SGCZ: variants seen among roughly 807,000 people sequenced by gnomAD.
SGCZ encodes zeta-sarcoglycan.
Under a neutral mutation model 41.3 loss-of-function variants are expected in SGCZ, and 40 were observed. That is an observed-to-expected ratio of 0.97 (90% CI 0.75 to 1.26). SGCZ has a LOEUF of 1.26. Among genes scored for constraint, SGCZ ranks in the 50% most tolerant of loss-of-function variants. SGCZ has a pLI of 0.00. For synonymous variants in SGCZ, 206 were observed against 137.5 expected (o/e 1.50, Z -3.49); for missense variants, 552 against 369.8 (o/e 1.49, Z -4.04).
intron 5 of SGCZ, among the ~76,000 whole-genome samples, chr8:14,117,786 C>A (rs1390679083): frequency 6.6e-6 from 1 of 151,404 alleles, no homozygotes; most frequent in Non-Finnish European, 1.5e-5. Context: ...TCCCTGTGTC[C>A]ATGTGTTCTC....
At chr8:14,268,551 G>A (rs2117256574) in intron 3 of SGCZ, among the ~76,000 whole-genome samples, 1 of 151,830 alleles carries the variant, frequency 6.6e-6, no homozygotes, top group East Asian at 1.9e-4. Flanking sequence ...CTGGTGGTCT[G>A]CGTATCGAAA....
chr8:14,376,024 C>T (rs1043504864), intron 2 of SGCZ, among the ~76,000 whole-genome samples: 5 of 152,052 alleles, frequency 3.3e-5, no homozygotes, highest in African/African-American at 1.2e-4. Flanking sequence ...CGTAAAACTA[C>T]AATGGAAAGC....
intron 1 of SGCZ, among the ~76,000 whole-genome samples, chr8:15,043,532 C>T (rs963296231): frequency 1.3e-5 from 2 of 151,796 alleles, no homozygotes; most frequent in Admixed American, 6.6e-5. Flanking sequence ...ATAGTGCATG[C>T]TACTTTCCAA....
At chr8:14,398,339 G>A (rs553303262) in intron 2 of SGCZ, among the ~76,000 whole-genome samples, 4 of 152,134 alleles carry the variant, frequency 2.6e-5, no homozygotes, top group African/African-American at 9.6e-5. Context: ...ACACCTTGAA[G>A]GTGTCCTGAT....
intron 2 of SGCZ, among the ~76,000 whole-genome samples, chr8:14,416,592 G>T (rs772232237): frequency 6.6e-6 from 1 of 151,756 alleles, no homozygotes; most frequent in Non-Finnish European, 1.5e-5. Context: ...GTTTTACAAT[G>T]TTACTCAGGG....
chr8:14,321,701 T>G (rs1023173588), intron 3 of SGCZ, among the ~76,000 whole-genome samples: 1 of 152,112 alleles, frequency 6.6e-6, no homozygotes, highest in African/African-American at 2.4e-5. Context: ...CTTCACTGAA[T>G]CTTCCAAAGT....
At chr8:15,159,741 C>T (rs1799451593) in intron 1 of SGCZ, among the ~76,000 whole-genome samples, 1 of 42,902 alleles carries the variant, frequency 2.3e-5, no homozygotes, top group African/African-American at 1.0e-4. Flanking sequence ...GCCCCCCCCA[C>T]CCTCCCCCCC....
intron 1 of SGCZ, among the ~76,000 whole-genome samples, chr8:14,763,681 T>C (rs1321317662): frequency 6.6e-6 from 1 of 151,878 alleles, no homozygotes; most frequent in African/African-American, 2.4e-5. Flanking sequence ...ATAGAGGAGG[T>C]AGGAAGAAAA....
At chr8:14,283,080 A>C (rs1800504779) in intron 3 of SGCZ, among the ~76,000 whole-genome samples, 1 of 151,568 alleles carries the variant, frequency 6.6e-6, no homozygotes, top group Admixed American at 6.6e-5. Context: ...CGATCTCCTG[A>C]CCTCGTGATC....
chr8:14,509,946 C>A (rs1802421040), intron 2 of SGCZ, among the ~76,000 whole-genome samples: 1 of 152,030 alleles, frequency 6.6e-6, no homozygotes, highest in Admixed American at 6.6e-5. Context: ...GATCCAATCA[C>A]CTCCCTCCCT....
chr8:14,189,171 T>C (rs1284628827), intron 4 of SGCZ, among the ~76,000 whole-genome samples: 1 of 152,104 alleles, frequency 6.6e-6, no homozygotes, highest in Non-Finnish European at 1.5e-5. Context: ...TCTTGTGTCT[T>C]CTTTGTCAAA....
chr8:14,138,374 A>G (rs565079758), intron 5 of SGCZ, among the ~76,000 whole-genome samples: 1 of 152,346 alleles, frequency 6.6e-6, no homozygotes, highest in South Asian at 2.1e-4. Context: ...TGCCCCAATT[A>G]ACAGACAAAG....
intron 4 of SGCZ, among the ~76,000 whole-genome samples, chr8:14,213,224 C>T (rs866402918): frequency 6.6e-6 from 1 of 152,018 alleles, no homozygotes; most frequent in Non-Finnish European, 1.5e-5. Context: ...AGAGAATAAA[C>T]TCAAGGAAAT....
intron 2 of SGCZ, among the ~76,000 whole-genome samples, chr8:14,462,325 T>C (rs1800924758): frequency 6.6e-6 from 1 of 152,052 alleles, no homozygotes; most frequent in African/African-American, 2.4e-5. Flanking sequence ...AAAAATTCCA[T>C]GTAATTTGTG....
At chr8:14,428,392 T>C (rs1799849507) in intron 2 of SGCZ, among the ~76,000 whole-genome samples, 1 of 152,102 alleles carries the variant, frequency 6.6e-6, no homozygotes, top group African/African-American at 2.4e-5. Context: ...ACATTAACTT[T>C]ATTATTACAT....
intron 1 of SGCZ, among the ~76,000 whole-genome samples, chr8:14,682,284 G>T (rs1048178787): frequency 2.6e-5 from 4 of 152,174 alleles, no homozygotes; most frequent in African/African-American, 7.2e-5. Flanking sequence ...TTGAATATAA[G>T]ATTATACTTT....
intron 1 of SGCZ, among the ~76,000 whole-genome samples, chr8:15,143,730 T>G (rs1798961822): frequency 1.3e-5 from 2 of 152,234 alleles, no homozygotes; most frequent in African/African-American, 4.8e-5. Context: ...ATTTAGTTAT[T>G]GTAATTGCTT....
chr8:14,766,582 G>C (rs920158966), intron 1 of SGCZ, among the ~76,000 whole-genome samples: 2 of 151,354 alleles, frequency 1.3e-5, no homozygotes, highest in African/African-American at 2.4e-5. Context: ...TTCTTCTTTA[G>C]ACAGTGTTTC....
chr8:14,440,540 T>A (rs1292497654), intron 2 of SGCZ, among the ~76,000 whole-genome samples: 1 of 152,114 alleles, frequency 6.6e-6, no homozygotes, highest in Non-Finnish European at 1.5e-5. Flanking sequence ...AAAAATAAAA[T>A]CATCACTAGC....
Sources: gnomAD v4.1 joint callset for allele counts (sites outside exome capture counted in the v4.1 genomes callset) on GRCh38, gnomAD v4.1.1 for gene constraint, MANE v1.5 for transcripts, NCBI Gene and HGNC (gene_info 2026-07-23, HGNC 2026-07-21) for gene names.